CNTLN: variants seen among roughly 807,000 people sequenced by gnomAD.
CNTLN encodes the protein centlein.
A neutral mutation model predicts 180.0 loss-of-function variants in CNTLN; 212 were observed. That is an observed-to-expected ratio of 1.18 (90% CI 1.05 to 1.32). CNTLN has a LOEUF of 1.32. Among genes scored for constraint, CNTLN ranks in the 40% most tolerant of loss-of-function variants. CNTLN has a pLI of 0.00. For missense variants in CNTLN, 2,095 were observed against 1,610.9 expected, an observed-to-expected ratio of 1.30 and a Z score of -5.14; for synonymous variants, 722 against 563.1, an observed-to-expected ratio of 1.28 and a Z score of -3.99.
chr9:17,224,461 C>A (rs1421453214), intron 2 of CNTLN, among the ~76,000 whole-genome samples: 1 of 151,982 alleles, frequency 6.6e-6, no homozygotes, highest in African/African-American at 2.4e-5. Flanking sequence ...TATTTTTCAT[C>A]CCCATAGTTA....
chr9:17,373,068 G>A (rs936681818), intron 13 of CNTLN, among the ~76,000 whole-genome samples: 1 of 152,086 alleles, frequency 6.6e-6, no homozygotes, highest in Admixed American at 6.6e-5. Context: ...TTAAGATTTG[G>A]AACGTGACCA....
chr9:17,515,225 C>G, the CNTLN span, among the ~76,000 whole-genome samples: 10 of 152,252 alleles, frequency 6.6e-5, no homozygotes, highest in Middle Eastern at 3.4e-3. Context: ...TCTTGTACCC[C>G]ACTCTTTCAT....
In CNTLN at chr9:17,309,224, A is replaced by T; in HGVS notation, c.1313A>T (p.Gln438Leu). Residue 438 changes from glutamine (Q) to leucine (L), a missense_variant, in exon 8 of 26, where the codon CAA becomes CTA. By Grantham distance (113) the Gln-to-Leu change is moderately radical. Transcript: ENST00000380647. ...CAGGGAGCACCTCTTCCTTTACCTC[A>T]AGAAAGTGATCCAGACTACTCAGCA... ...ESQGAPLPLPQESDPDYSAQV... is the reference protein window; with the variant it reads ...ESQGAPLPLPLESDPDYSAQV... The T allele has an allele frequency of 6.2e-7, 1 of 1,600,428 alleles. No individual in the cohort carries two copies. The highest frequency in any genetic ancestry group is 8.5e-7 in the Non-Finnish European group (1 of 1,173,336).
At chr9:17,225,780 C>CA (rs1824427671) in intron 2 of CNTLN, among the ~76,000 whole-genome samples, 1 of 151,836 alleles carries the variant, frequency 6.6e-6, no homozygotes, top group Non-Finnish European at 1.5e-5. Context: ...TGTCAGAAAT[C>CA]AAAAAATTCT....
chr9:17,263,887 G>T (rs1827200148), intron 5 of CNTLN, among the ~76,000 whole-genome samples: 1 of 127,558 alleles, frequency 7.8e-6, no homozygotes, highest in Admixed American at 7.7e-5. Flanking sequence ...TTTTGATGGG[G>T]TTGTTTGTTT....
Position 17,464,550 on chromosome 9 carries a change from T to C in CNTLN, c.3458T>C (p.Leu1153Ser). The change falls in exon 21 of 26, where the codon TTG becomes TCG. Residue 1153 changes from leucine (L) to serine (S), a missense_variant. Coordinates refer to ENST00000380647, the MANE Select transcript of CNTLN (RefSeq NM_017738.4). ...ATGAAAAGACATTTGATAGAGGACT[T>C]GAAATTTCGACAGAAAGTAAATTTG... ...ITMKRHLIED[L>S]KFRQKVNLES... 1 of 1,526,550 alleles carries C rather than the reference T, an allele frequency of 6.6e-7. No individual in the cohort carries two copies. Among genetic ancestry groups the C allele is most frequent in the Admixed American group, 2.4e-5 (1 of 40,832 alleles). The allele number at this position is 1,526,550 out of a possible 1,614,324, so 94.6% of individuals were successfully genotyped here.
rs185273736 is a variant in CNTLN at position 17,210,317 on chromosome 9, G to A, written c.450-15886G>A. The stretch of plus-strand genomic sequence containing the variant: ...CTGTGAGTGAGAACATGCGGTGTTT[G>A]GTTTTTTGTCCTTGCGATAGTTTGC... On this transcript the variant is annotated intron_variant, in intron 2 of 25. Transcript: ENST00000380647. 6.4e-4 allele frequency among the ~76,000 whole-genome samples: 97 copies of A among 152,198 alleles called. No homozygotes were observed. In the East Asian group the frequency reaches 0.017, roughly 26 times the overall value.
intron 12 of CNTLN, among the ~76,000 whole-genome samples, chr9:17,347,579 G>A (rs1821999632): frequency 1.3e-5 from 2 of 150,150 alleles, no homozygotes; most frequent in Non-Finnish European, 3.0e-5. Flanking sequence ...TGAGGCAGGA[G>A]AATCGCTTGA....
At chr9:17,342,510 A>G in intron 12 of CNTLN, 66 bp downstream of exon 12, 1 of 1,406,188 alleles carries the variant, frequency 7.1e-7, no homozygotes, top group South Asian at 1.4e-5. Context: ...TCATGGCTTA[A>G]AAGCTATTAA....
chr9:17,245,586 C>T (rs1427798908), intron 5 of CNTLN, among the ~76,000 whole-genome samples: 1 of 151,808 alleles, frequency 6.6e-6, no homozygotes, highest in Non-Finnish European at 1.5e-5. Flanking sequence ...GATATCTTTC[C>T]CTAGGTTTGG....
chr9:17,226,199 C>G lies in CNTLN; in HGVS notation c.450-4C>G, dbSNP rs375378993. 2 of 1,501,356 alleles carry G rather than the reference C, an allele frequency of 1.3e-6. No homozygotes were observed. The highest frequency in any genetic ancestry group is 1.8e-6 in the Non-Finnish European group (2 of 1,102,162). 93.0% of individuals were successfully genotyped at this position (1,501,356 alleles called of 1,614,324 possible). A position where few individuals can be genotyped will look rare whatever the true frequency, so the allele number is the denominator to read the frequency against. ...CTAATAAACTCTCTATATTTTATAT[C>G]TAGAGAAAAACAGAAATCTGAAGCT... On this transcript the variant is annotated splice_polypyrimidine_tract_variant and splice_region_variant and intron_variant, in intron 2 of 25. Coordinates refer to ENST00000380647, the MANE Select transcript of CNTLN (RefSeq NM_017738.4).
intron 2 of CNTLN, among the ~76,000 whole-genome samples, chr9:17,145,293 A>G (rs935663193): frequency 6.6e-6 from 1 of 152,184 alleles, no homozygotes; most frequent in Non-Finnish European, 1.5e-5. Flanking sequence ...TTGGATTTTG[A>G]GTCTATTTTT....
chr9:17,411,198 T>C (rs1488499605), intron 16 of CNTLN, among the ~76,000 whole-genome samples: 1 of 152,100 alleles, frequency 6.6e-6, no homozygotes, highest in Non-Finnish European at 1.5e-5. Flanking sequence ...TATCCTGGCC[T>C]GGATACCTGA....
At chr9:17,407,378 C>G (rs1008362730) in intron 15 of CNTLN, among the ~76,000 whole-genome samples, 5 of 152,164 alleles carry the variant, frequency 3.3e-5, no homozygotes, top group African/African-American at 7.2e-5. Flanking sequence ...AACCAGTAAC[C>G]TTTTAAAATA....
At chr9:17,509,824 T>A in the CNTLN span, among the ~76,000 whole-genome samples, 2 of 152,068 alleles carry the variant, frequency 1.3e-5, no homozygotes. Flanking sequence ...ATCCTAGAGG[T>A]CTTAGTTCCA....
intron 6 of CNTLN, among the ~76,000 whole-genome samples, chr9:17,282,909 C>G (rs1054022959): frequency 3.3e-5 from 5 of 151,946 alleles, no homozygotes; most frequent in Non-Finnish European, 5.9e-5. Context: ...GATGTGCGGT[C>G]TTATTTCTGA....
intron 2 of CNTLN, among the ~76,000 whole-genome samples, chr9:17,214,661 G>A (rs1823599274): frequency 6.6e-6 from 1 of 152,138 alleles, no homozygotes; most frequent in Non-Finnish European, 1.5e-5. Context: ...TTCCATCTTG[G>A]TTCCATTGTC....
At chr9:17,138,941 C>G (rs1201125868) in intron 1 of CNTLN, among the ~76,000 whole-genome samples, 2 of 151,942 alleles carry the variant, frequency 1.3e-5, no homozygotes, top group Non-Finnish European at 2.9e-5. Flanking sequence ...AAATTTAGAC[C>G]TAGTATTTAG....
At chr9:17,278,662 G>GT (rs1252806670) in intron 6 of CNTLN, among the ~76,000 whole-genome samples, 3 of 151,800 alleles carry the variant, frequency 2.0e-5, no homozygotes, top group Non-Finnish European at 4.4e-5. Flanking sequence ...AAGTTGTTTT[G>GT]TTTTTACTGT....
Sources: allele counts gnomAD v4.1 joint callset (sites outside exome capture counted in the v4.1 genomes callset), GRCh38; gene constraint gnomAD v4.1.1; transcripts MANE v1.5; gene names NCBI Gene and HGNC (gene_info 2026-07-23, HGNC 2026-07-21).